PAPSS2: variants seen among roughly 807,000 people sequenced by gnomAD.
PAPSS2 encodes the protein 3'-phosphoadenosine 5'-phosphosulfate synthase 2.
A neutral mutation model predicts 66.5 loss-of-function variants in PAPSS2; 61 were observed. The ratio of observed to expected loss-of-function variants is 0.92; its 90% confidence interval spans 0.75 to 1.14. The LOEUF (loss-of-function observed/expected upper bound fraction) is 1.14, where lower values mean the gene tolerates loss of function less well. PAPSS2 is among the 50% of genes most tolerant of loss of function. PAPSS2 has a pLI of 0.00. For synonymous variants in PAPSS2, 289 were observed against 287.5 expected, an observed-to-expected ratio of 1.01 and a Z score of -0.05; for missense variants, 708 against 789.6, an observed-to-expected ratio of 0.90 and a Z score of 1.24.
intron 8 of PAPSS2, 46 bp from the exon 9 acceptor site, chr10:87,727,238 C>T (rs2131720538): frequency 6.6e-7 from 1 of 1,504,504 alleles, no homozygotes; most frequent in Non-Finnish European, 9.2e-7. Context: ...TCAAGGATGG[C>T]ACACCTTATA....
chr10:87,730,939 G>T (rs1271179231), intron 9 of PAPSS2, among the ~76,000 whole-genome samples: 3 of 152,220 alleles, frequency 2.0e-5, no homozygotes, highest in African/African-American at 7.2e-5. Flanking sequence ...TGATGTAGGA[G>T]CTGCAGCAAG....
At chr10:87,673,238 T>G (rs1852901742) in intron 1 of PAPSS2, among the ~76,000 whole-genome samples, 1 of 152,254 alleles carries the variant, frequency 6.6e-6, no homozygotes, top group Non-Finnish European at 1.5e-5. Context: ...TTTAAAGTTC[T>G]GTGGAACACT....
intron 9 of PAPSS2, among the ~76,000 whole-genome samples, chr10:87,736,505 A>G (rs543703857): frequency 1.3e-5 from 2 of 151,834 alleles, no homozygotes; most frequent in Non-Finnish European, 2.9e-5. Context: ...TGACTTCATG[A>G]TCCACCCACC....
intron 1 of PAPSS2, among the ~76,000 whole-genome samples, chr10:87,672,005 T>C (rs1852884676): frequency 6.6e-6 from 1 of 152,240 alleles, no homozygotes; most frequent in African/African-American, 2.4e-5. Flanking sequence ...GCATGCATAA[T>C]ACCTTTCTTT....
intron 9 of PAPSS2, 65 bp downstream of exon 9, chr10:87,727,554 T>C: frequency 1.5e-6 from 2 of 1,309,940 alleles, no homozygotes; most frequent in East Asian, 5.0e-5. Flanking sequence ...AAATAACTCT[T>C]TTTAATTCCT....
rs879350661 is a variant in PAPSS2, at chr10:87,747,529, A to C, written c.*1559A>C. ...ACTCACTACTGCCTTTAAAAAAAAA[A>C]ACCAGCATATTTATTGAAAACATGA... On this transcript the variant is annotated 3_prime_UTR_variant, in exon 13 of 13. Coordinates refer to ENST00000456849, the MANE Select transcript of PAPSS2 (RefSeq NM_001015880.2). The C allele has an allele frequency of 6.6e-6, 1 of 152,588 alleles. No individual in the cohort carries two copies. Among genetic ancestry groups the C allele is most frequent in the Non-Finnish European group, 1.5e-5 (1 of 68,024 alleles). 9.5% of individuals were successfully genotyped at this position (152,588 alleles called of 1,614,324 possible).
intron 1 of PAPSS2, chr10:87,704,059 T>A (rs1853351877): frequency 2.0e-6 from 1 of 493,450 alleles, no homozygotes; most frequent in Non-Finnish European, 4.1e-6. Context: ...TTGGCCACTC[T>A]GCCCCCTTGC....
intron 1 of PAPSS2, among the ~76,000 whole-genome samples, chr10:87,700,275 G>A (rs1853286304): frequency 2.0e-5 from 3 of 152,286 alleles, no homozygotes; most frequent in Middle Eastern, 6.8e-3. Context: ...ATTATAGTGA[G>A]TCATTTTATG....
intron 1 of PAPSS2, among the ~76,000 whole-genome samples, chr10:87,702,932 G>A (rs540371397): frequency 7.9e-5 from 12 of 152,182 alleles, no homozygotes; most frequent in Admixed American, 4.6e-4. Flanking sequence ...TTGTAGTCAC[G>A]CAAAATCAAG....
rs368206390 is a variant in PAPSS2, at chr10:87,727,287, G to A, written c.884G>A (p.Gly295Asp). The stretch of plus-strand genomic sequence containing the variant: ...CATCACATGGCTCTTTCCACAGATG[G>A]CGTGATCAACATGAGCATCCCCATT... ...TLLDGMALPD[G>D]VINMSIPIVL... The change falls in exon 9 of 13, where the codon GGC becomes GAC. Residue 295 changes from glycine to aspartate, a missense_variant. Gly to Asp is a moderately conservative substitution (Grantham distance 94). Transcript: ENST00000456849. The A allele has an allele frequency of 6.2e-7, 1 of 1,612,900 alleles. No homozygotes were observed. The highest frequency in any genetic ancestry group is 8.5e-7 in the Non-Finnish European group (1 of 1,179,854).
intron 1 of PAPSS2, among the ~76,000 whole-genome samples, chr10:87,695,258 G>A (rs568103352): frequency 7.4e-4 from 113 of 152,294 alleles, no homozygotes; most frequent in African/African-American, 2.6e-3. Context: ...GAGGAAAAAC[G>A]GCCAGGTGGC....
chr10:87,742,732 C>T (rs1365925574), intron 10 of PAPSS2, among the ~76,000 whole-genome samples: 2 of 152,200 alleles, frequency 1.3e-5, no homozygotes, highest in Non-Finnish European at 2.9e-5. Context: ...ATTCACCTCC[C>T]TCTAGGCTTC....
intron 1 of PAPSS2, among the ~76,000 whole-genome samples, chr10:87,689,667 C>CA (rs536306316): frequency 0.23 from 17,232 of 74,166 alleles, 2,735 homozygotes; most frequent in African/African-American, 0.48. Context: ...AACCTTGTCT[C>CA]AAAAAAAAAA....
At chr10:87,700,657 C>CAAAAAAA (rs1168522761) in intron 1 of PAPSS2, among the ~76,000 whole-genome samples, 1 of 63,210 alleles carries the variant, frequency 1.6e-5, no homozygotes, top group Admixed American at 1.8e-4. Context: ...GACCCTGTCT[C>CAAAAAAA]AAAAAAAAAA....
Position 87,743,619 on chromosome 10 carries a change from T to C in PAPSS2, c.1469T>C (p.Met490Thr), listed in dbSNP as rs1235099272. Reference protein sequence around the residue: ...STIVAIFPSPMLYAGPTEVQW... With the variant: ...STIVAIFPSPTLYAGPTEVQW... ...ATTGTTGCCATCTTTCCGTCTCCCA[T>C]GTTATATGCTGGCCCCACAGAGGTG... is the stretch of plus-strand genomic sequence containing the variant. Residue 490 changes from methionine to threonine, a missense_variant, in exon 11 of 13, where the codon ATG becomes ACG. By Grantham distance (81) the Met-to-Thr change is moderately conservative. Transcript: ENST00000456849. The C allele has an allele frequency of 1.9e-6, 3 of 1,614,142 alleles. No individual in the cohort carries two copies. In the Admixed American group the frequency reaches 5.0e-5, roughly 27 times the overall value.
chr10:87,713,041 G>A lies in PAPSS2; in HGVS notation c.146-34G>A, dbSNP rs1853481746. On this transcript the variant is annotated intron_variant, in intron 2 of 12. Transcript: ENST00000456849. The stretch of plus-strand genomic sequence containing the variant: ...CAATTTGTCATCTTAAACTATCCAG[G>A]CCGATGTCAGTCTGTTTTATCTGTT... The A allele has an allele frequency of 2.6e-6, 3 of 1,163,806 alleles. No individual in the cohort carries two copies. The South Asian group carries it at 3.7e-5, about 14-fold the overall frequency. 72.1% of individuals were successfully genotyped at this position (1,163,806 alleles called of 1,614,324 possible).
At chr10:87,712,029 C>A (rs900364212) in intron 2 of PAPSS2, among the ~76,000 whole-genome samples, 1 of 151,890 alleles carries the variant, frequency 6.6e-6, no homozygotes, top group Non-Finnish European at 1.5e-5. Flanking sequence ...GGTTGTGTTT[C>A]TTTCCCTTCT....
chr10:87,708,914 T>C (rs762896454), intron 1 of PAPSS2, among the ~76,000 whole-genome samples: 6 of 152,162 alleles, frequency 3.9e-5, no homozygotes, highest in Non-Finnish European at 7.3e-5. Context: ...CAAAACTGCT[T>C]ATGAATAACA....
At chr10:87,709,342 T>C (rs1207326262) in intron 2 of PAPSS2, 29 bp downstream of exon 2, 3 of 863,592 alleles carry the variant, frequency 3.5e-6, no homozygotes, top group African/African-American at 1.9e-5. Context: ...TATATATATA[T>C]ATACAAATTG....
Sources: allele counts gnomAD v4.1 joint callset (sites outside exome capture counted in the v4.1 genomes callset), GRCh38; gene constraint gnomAD v4.1.1; transcripts MANE v1.5; gene names NCBI Gene and HGNC (gene_info 2026-07-23, HGNC 2026-07-21).